NR2E3: variants seen among roughly 807,000 people sequenced by gnomAD.
The protein encoded by NR2E3 is nuclear receptor subfamily 2 group E member 3, also known as photoreceptor-specific nuclear receptor.
In NR2E3, 38 loss-of-function variants were observed where a neutral mutation model predicts 37.6. The observed-to-expected ratio is 1.01, with a 90% CI of 0.78 to 1.33. The LOEUF (loss-of-function observed/expected upper bound fraction) is 1.33, where lower values mean the gene tolerates loss of function less well. Among genes scored for constraint, NR2E3 ranks in the 40% most tolerant of loss-of-function variants. NR2E3 has a pLI of 0.00. For missense variants in NR2E3, 562 were observed against 558.7 expected, an observed-to-expected ratio of 1.01 and a Z score of -0.06; for synonymous variants, 235 against 225.1, an observed-to-expected ratio of 1.04 and a Z score of -0.39.
chr15:71,814,976 A>G, intron 7 of NR2E3: 9 of 923,052 alleles, frequency 9.8e-6, no homozygotes, highest in Non-Finnish European at 1.2e-5. Context: ...AGGAGGAAAG[A>G]CGGTTTTGAG....
intron 7 of NR2E3, among the ~76,000 whole-genome samples, chr15:71,816,846 A>G (rs1259442260): frequency 6.6e-6 from 1 of 152,154 alleles, no homozygotes; most frequent in Non-Finnish European, 1.5e-5. Flanking sequence ...AAGCTACTGT[A>G]AGTTGAAGAT....
Position 71,811,722 on chromosome 15 carries a change from C to T in NR2E3, c.246-44C>T, listed in dbSNP as rs760426217. Reference sequence around the variant, plus strand: ...AAATGTCCAAGCCCATGGCTCAGGGCATGGGAGGGACACTGACCCCTGGGG... The same window carrying T: ...AAATGTCCAAGCCCATGGCTCAGGGTATGGGAGGGACACTGACCCCTGGGG... On this transcript the variant is annotated intron_variant, in intron 2 of 7. Coordinates refer to ENST00000617575, the MANE Select transcript of NR2E3 (RefSeq NM_014249.4). This position sits in a 1 kb window ranked among gnomAD's most constrained non-coding sequence, Gnocchi z 5.6. 6.5e-6 allele frequency: 10 copies of T among 1,546,212 alleles called. No individual in the cohort carries two copies. In the South Asian group the frequency reaches 8.3e-5, roughly 13 times the overall value.
At position 71,811,624 on chromosome 15, in the gene NR2E3, C is replaced by T. The variant is rs370118283; in HGVS notation, c.245+15C>T. On this transcript the variant is annotated intron_variant, in intron 2 of 7. Coordinates refer to ENST00000617575, the MANE Select transcript of NR2E3 (RefSeq NM_014249.4). The surrounding 1 kb of genome is among the most constrained non-coding windows in gnomAD (Gnocchi z 5.6). ...CTCATCTACAGGTGAGTGCGGTGGG[C>T]CCTGCTGGGCGTCTGCCCCTGAGGG... 1.9e-6 allele frequency: 3 copies of T among 1,600,144 alleles called. No individual in the cohort carries two copies. Among genetic ancestry groups the T allele is most frequent in the Non-Finnish European group, 1.7e-6 (2 of 1,174,004 alleles).
intron 4 of NR2E3, 75 bp from the exon 5 acceptor site, chr15:71,812,261 T>C: frequency 1.9e-6 from 3 of 1,609,086 alleles, no homozygotes; most frequent in Non-Finnish European, 2.5e-6. Context: ...TGATCCTCCC[T>C]CCCCCGGGGC....
chr15:71,812,155 G>A lies in NR2E3; in HGVS notation c.550G>A (p.Ala184Thr), dbSNP rs755461027. 1.3e-6 allele frequency: 2 copies of A among 1,572,098 alleles called. No individual in the cohort carries two copies. The highest frequency in any genetic ancestry group is 2.4e-5 in the East Asian group (1 of 42,384). The change falls in exon 4 of 8, where the codon GCT becomes ACT. Residue 184 changes from alanine (A) to threonine (T), a missense_variant. Transcript: ENST00000617575. ...CAGCCTTATAACAGCTGAAACCTGT[G>A]CTAAGCTGGAGCCAGAGGATGGTGA... Reference protein sequence around the residue: ...MASLITAETCAKLEPEDADEN... With the variant: ...MASLITAETCTKLEPEDADEN...
At position 71,812,054 on chromosome 15, in the gene NR2E3, C is replaced by T. The variant is rs777140312; in HGVS notation, c.449C>T (p.Pro150Leu). ...ESRPESLVAP[P>L]APAGRSPRGP... ...CGGCCGGAGTCCCTGGTGGCTCCCC[C>T]GGCCCCGGCAGGGCGCAGCCCACGG... Residue 150 changes from proline (P) to leucine (L), a missense_variant, in exon 4 of 8, where the codon CCG becomes CTG. Coordinates refer to ENST00000617575, the MANE Select transcript of NR2E3 (RefSeq NM_014249.4). 1.5e-5 allele frequency: 23 copies of T among 1,553,156 alleles called. No individual in the cohort carries two copies. In the East Asian group the frequency reaches 2.0e-4, roughly 13 times the overall value.
intron 7 of NR2E3, chr15:71,814,653 A>G: frequency 1.0e-6 from 1 of 979,180 alleles, no homozygotes; most frequent in Non-Finnish European, 1.2e-6. Context: ...AATGCCAGCC[A>G]AAGGCCACGT....
Position 71,811,381 on chromosome 15 carries a change from G to A in NR2E3, c.119-102G>A, listed in dbSNP as rs575164017. ...TGGGTTCGTTCAAATGCGGGTGAGC[G>A]GGGCCTGAGGACTGGGAAAGGGACC... is the stretch of plus-strand genomic sequence containing the variant. On this transcript the variant is annotated intron_variant, in intron 1 of 7. Coordinates refer to ENST00000617575, the MANE Select transcript of NR2E3 (RefSeq NM_014249.4). The surrounding 1 kb of genome is among the most constrained non-coding windows in gnomAD (Gnocchi z 5.6). 3.9e-3 allele frequency: 4,260 copies of A among 1,102,534 alleles called. 16 individuals are homozygous for A. The highest frequency in any genetic ancestry group is 5.7e-3 in the Middle Eastern group (19 of 3,340). The allele number at this position is 1,102,534 out of a possible 1,614,324, so 68.3% of individuals were successfully genotyped here. A position where few individuals can be genotyped will look rare whatever the true frequency, so the allele number is the denominator to read the frequency against.
In NR2E3 at chr15:71,814,070, G is replaced by T. The variant is rs2054208738; in HGVS notation, c.1053G>T (p.Val351=). The T allele has an allele frequency of 6.2e-7, 1 of 1,612,752 alleles. No individual in the cohort carries two copies. Among genetic ancestry groups the T allele is most frequent in the African/African-American group, 1.3e-5 (1 of 74,910 alleles). The change falls in exon 7 of 8, where the codon GTG becomes GTT. Residue 351 remains valine, a synonymous_variant. Coordinates refer to ENST00000617575, the MANE Select transcript of NR2E3 (RefSeq NM_014249.4). ...HVEALQDQSQ[V]MLSQHSKAHH... ...AGGCCTTGCAGGACCAGTCCCAAGTGATGCTGAGCCAGCACAGCAAGGCCC... is the reference window on the plus strand; with the variant it reads ...AGGCCTTGCAGGACCAGTCCCAAGTTATGCTGAGCCAGCACAGCAAGGCCC...
Position 71,811,373 on chromosome 15 carries a change from G to A in NR2E3, c.119-110G>A, listed in dbSNP as rs1431014817. On this transcript the variant is annotated intron_variant, in intron 1 of 7. Transcript: ENST00000617575. The surrounding 1 kb of genome is among the most constrained non-coding windows in gnomAD (Gnocchi z 5.6). ...GTCACGCGTGGGTTCGTTCAAATGC[G>A]GGTGAGCGGGGCCTGAGGACTGGGA... 8.0e-6 allele frequency: 8 copies of A among 1,001,034 alleles called. No homozygotes were observed. The highest frequency in any genetic ancestry group is 2.4e-5 in the Admixed American group (1 of 42,040). The allele number at this position is 1,001,034 out of a possible 1,614,324, so 62.0% of individuals were successfully genotyped here. A position where few individuals can be genotyped will look rare whatever the true frequency, so the allele number is the denominator to read the frequency against.
In NR2E3 at chr15:71,813,408, C is replaced by A. The variant is rs377257254; in HGVS notation, c.767C>A (p.Ala256Glu). ...FRDQVILLEE[A>E]WSELFLLGAI... is the part of the protein sequence containing the mutation. ...GCACAGGTGATCCTGCTGGAAGAGGCGTGGAGTGAACTCTTTCTCCTCGGG... is the reference window on the plus strand; with the variant it reads ...GCACAGGTGATCCTGCTGGAAGAGGAGTGGAGTGAACTCTTTCTCCTCGGG... The change falls in exon 6 of 8, where the codon GCG becomes GAG. Residue 256 changes from alanine (A) to glutamate (E), a missense_variant. Coordinates refer to ENST00000617575, the MANE Select transcript of NR2E3 (RefSeq NM_014249.4). The surrounding 1 kb of genome is among the most constrained non-coding windows in gnomAD (Gnocchi z 4.7). 254 of 1,611,394 alleles carry A rather than the reference C, an allele frequency of 1.6e-4. No individual in the cohort carries two copies. Among genetic ancestry groups the A allele is most frequent in the Non-Finnish European group, 2.1e-4 (244 of 1,178,976 alleles).
At chr15:71,817,243 T>C (rs897988077) in intron 7 of NR2E3, among the ~76,000 whole-genome samples, 13 of 151,724 alleles carry the variant, frequency 8.6e-5, no homozygotes, top group East Asian at 3.9e-4. Flanking sequence ...GGACTACAGG[T>C]GCCCGCCACC....
At position 71,811,847 on chromosome 15, in the gene NR2E3, G is replaced by T. The variant is rs1389082986; in HGVS notation, c.327G>T (p.Leu109=). The change falls in exon 3 of 8, where the codon CTG becomes CTT. Residue 109 remains leucine (L), a synonymous_variant. Coordinates refer to ENST00000617575, the MANE Select transcript of NR2E3 (RefSeq NM_014249.4). This position sits in a 1 kb window ranked among gnomAD's most constrained non-coding sequence, Gnocchi z 5.6. ...AGGCCTGCCGGCTGAAGAAGTGCCT[G>T]CAGGCGGGGATGAACCAGGACGGTG... ...QCQACRLKKC[L]QAGMNQDAVQ... 1.3e-6 allele frequency: 2 copies of T among 1,551,332 alleles called. No homozygotes were observed. The highest frequency in any genetic ancestry group is 8.7e-7 in the Non-Finnish European group (1 of 1,146,996).
chr15:71,815,002 GT>G (rs2054216407), intron 7 of NR2E3: 1 of 724,886 alleles, frequency 1.4e-6, no homozygotes, highest in African/African-American at 1.9e-5. Flanking sequence ...ATGATAAGGT[GT>G]TTTGTAGGTG....
At position 71,812,065 on chromosome 15, in the gene NR2E3, G is replaced by A. The variant is rs1412830026; in HGVS notation, c.460G>A (p.Gly154Arg). The A allele has an allele frequency of 1.3e-6, 2 of 1,553,258 alleles. No homozygotes were observed. Among genetic ancestry groups the A allele is most frequent in the Middle Eastern group, 1.7e-4 (1 of 5,990 alleles). The change falls in exon 4 of 8, where the codon GGG becomes AGG. Residue 154 changes from glycine to arginine, a missense_variant. Gly to Arg is a moderately radical substitution (Grantham distance 125). Transcript: ENST00000617575. ...CCTGGTGGCTCCCCCGGCCCCGGCA[G>A]GGCGCAGCCCACGGGGCCCCACACC... is the stretch of plus-strand genomic sequence containing the variant. ...ESLVAPPAPA[G>R]RSPRGPTPMS...
intron 1 of NR2E3, 31 bp downstream of exon 1, chr15:71,810,892 CTGGGCCCT>C: frequency 6.6e-7 from 1 of 1,525,722 alleles, no homozygotes; most frequent in Non-Finnish European, 8.8e-7. Flanking sequence ...AGGGTTGGGT[CTGGGCCCT>C]TGGGGAGCAG....
chr15:71,816,385 C>T (rs12439773), intron 7 of NR2E3, among the ~76,000 whole-genome samples: 4,488 of 151,852 alleles, frequency 0.03, 165 homozygotes, highest in East Asian at 0.18. Context: ...CTCAGCCTCC[C>T]GAGTAGCTGG....
chr15:71,812,266 CG>C, intron 4 of NR2E3, 69 bp from the exon 5 acceptor site: 2 of 1,610,180 alleles, frequency 1.2e-6, no homozygotes, highest in Admixed American at 1.7e-5. Context: ...CTCCCTCCCC[CG>C]GGGCTCCAAG....
rs766730044 is a variant in NR2E3, at chr15:71,812,138, T to A, written c.533T>A (p.Ile178Lys). The change falls in exon 4 of 8, where the codon ATA becomes AAA. Residue 178 changes from isoleucine to lysine, a missense_variant. Coordinates refer to ENST00000617575, the MANE Select transcript of NR2E3 (RefSeq NM_014249.4). The stretch of plus-strand genomic sequence containing the variant: ...GGCCACCACTTCATGGCCAGCCTTA[T>A]AACAGCTGAAACCTGTGCTAAGCTG... Reference protein sequence around the residue: ...ALGHHFMASLITAETCAKLEP... With the variant: ...ALGHHFMASLKTAETCAKLEP... 1 of 1,565,178 alleles carries A rather than the reference T, an allele frequency of 6.4e-7. No homozygotes were observed. Among genetic ancestry groups the A allele is most frequent in the Admixed American group, 1.9e-5 (1 of 52,100 alleles).
Sources: gnomAD v4.1 joint callset for allele counts (sites outside exome capture counted in the v4.1 genomes callset) on GRCh38, gnomAD v4.1.1 for gene constraint, Gnocchi (gnomAD v3.1) non-coding constraint, MANE v1.5 for transcripts, NCBI Gene and HGNC (gene_info 2026-07-23, HGNC 2026-07-21) for gene names.